COX7B2: variants seen among roughly 807,000 people sequenced by gnomAD.
COX7B2 encodes cytochrome c oxidase subunit 7B2.
For synonymous variants in COX7B2, 37 were observed against 32.1 expected (o/e 1.15, Z -0.51); for missense variants, 109 against 95.9 (o/e 1.14, Z -0.57).
chr4:46,827,115 A>G (rs1215609332), intron 2 of COX7B2, among the ~76,000 whole-genome samples: 1 of 152,158 alleles, frequency 6.6e-6, no homozygotes, highest in Non-Finnish European at 1.5e-5. Flanking sequence ...ATAATATCAA[A>G]TGATTCAACA....
intron 2 of COX7B2, among the ~76,000 whole-genome samples, chr4:46,789,118 C>T (rs1363191982): frequency 2.0e-5 from 3 of 152,128 alleles, no homozygotes; most frequent in African/African-American, 4.8e-5. Flanking sequence ...GAAAACTTTA[C>T]AGAACTCCAT....
At chr4:46,820,976 C>T (rs1714244402) in intron 2 of COX7B2, among the ~76,000 whole-genome samples, 1 of 151,870 alleles carries the variant, frequency 6.6e-6, no homozygotes, top group South Asian at 2.1e-4. Context: ...TTACTACAGT[C>T]GAAACCTGAG....
At chr4:46,819,740 C>A (rs1714144175) in intron 2 of COX7B2, among the ~76,000 whole-genome samples, 1 of 152,102 alleles carries the variant, frequency 6.6e-6, no homozygotes, top group African/African-American at 2.4e-5. Context: ...TACAATGTAT[C>A]AGCTGTTTTA....
At chr4:46,853,381 A>T (rs1716819840) in intron 1 of COX7B2, among the ~76,000 whole-genome samples, 1 of 152,180 alleles carries the variant, frequency 6.6e-6, no homozygotes, top group South Asian at 2.1e-4. Flanking sequence ...ACAGTCAGAA[A>T]TCTGACTCTC....
chr4:46,752,448 A>G (rs1253178570), intron 2 of COX7B2, among the ~76,000 whole-genome samples: 1 of 152,078 alleles, frequency 6.6e-6, no homozygotes, highest in Non-Finnish European at 1.5e-5. Context: ...AGAACTTCCA[A>G]CACTATGTTG....
intron 2 of COX7B2, among the ~76,000 whole-genome samples, chr4:46,815,037 T>G (rs1464714521): frequency 6.6e-6 from 1 of 151,984 alleles, no homozygotes; most frequent in East Asian, 1.9e-4. Context: ...GATACAAAAA[T>G]TAGCCAGGCG....
At chr4:46,817,060 C>T (rs1719593387) in intron 2 of COX7B2, among the ~76,000 whole-genome samples, 1 of 152,040 alleles carries the variant, frequency 6.6e-6, no homozygotes, top group South Asian at 2.1e-4. Flanking sequence ...TTTAAAAAGA[C>T]ATACAAGAAA....
At chr4:46,898,883 TA>T (rs1446993086) in intron 1 of COX7B2, among the ~76,000 whole-genome samples, 5 of 152,206 alleles carry the variant, frequency 3.3e-5, no homozygotes, top group Non-Finnish European at 5.9e-5. Flanking sequence ...AAAATTAGAT[TA>T]TCAAATTCAC....
At chr4:46,889,018 G>A (rs567452564) in intron 1 of COX7B2, among the ~76,000 whole-genome samples, 4 of 152,124 alleles carry the variant, frequency 2.6e-5, no homozygotes, top group Non-Finnish European at 5.9e-5. Flanking sequence ...TGCTTGAGGG[G>A]ATGGATACCC....
At chr4:46,775,469 T>C (rs566227132) in intron 2 of COX7B2, among the ~76,000 whole-genome samples, 10 of 152,304 alleles carry the variant, frequency 6.6e-5, no homozygotes, top group Admixed American at 2.0e-4. Context: ...GACACATTAC[T>C]GTGCACTACT....
chr4:46,845,562 G>T (rs536640814), intron 1 of COX7B2, among the ~76,000 whole-genome samples: 1 of 151,902 alleles, frequency 6.6e-6, no homozygotes, highest in Non-Finnish European at 1.5e-5. Context: ...TAGAGAAAAT[G>T]ATACATTTAT....
chr4:46,824,976 C>CA (rs534096218), intron 2 of COX7B2, among the ~76,000 whole-genome samples: 6 of 151,940 alleles, frequency 3.9e-5, no homozygotes, highest in African/African-American at 1.4e-4. Context: ...AGGCAAAAGA[C>CA]AAAGATGTGA....
intron 2 of COX7B2, among the ~76,000 whole-genome samples, chr4:46,809,896 T>C (rs1300962690): frequency 6.6e-6 from 1 of 151,976 alleles, no homozygotes; most frequent in African/African-American, 2.4e-5. Flanking sequence ...TTTATGTTCA[T>C]TAATAGTTTA....
intron 1 of COX7B2, among the ~76,000 whole-genome samples, chr4:46,873,832 C>T (rs1055442737): frequency 1.3e-5 from 2 of 152,160 alleles, no homozygotes; most frequent in African/African-American, 4.8e-5. Flanking sequence ...CCCCTCACCC[C>T]ATGACAGGAC....
At chr4:46,858,289 G>A (rs775190305) in intron 1 of COX7B2, among the ~76,000 whole-genome samples, 1 of 151,934 alleles carries the variant, frequency 6.6e-6, no homozygotes, top group African/African-American at 2.4e-5. Context: ...AGATGGGGGG[G>A]TTCGCCATAT....
chr4:46,763,798 T>C (rs1716364554), intron 2 of COX7B2, among the ~76,000 whole-genome samples: 1 of 152,202 alleles, frequency 6.6e-6, no homozygotes. Flanking sequence ...GATGTATATA[T>C]AAATATACAT....
At chr4:46,905,853 C>G (rs866704531) in intron 1 of COX7B2, among the ~76,000 whole-genome samples, 1 of 101,576 alleles carries the variant, frequency 9.8e-6, no homozygotes, top group Non-Finnish European at 1.8e-5. Context: ...GACGGAGTCT[C>G]GCTCTGTCGC....
intron 1 of COX7B2, among the ~76,000 whole-genome samples, chr4:46,887,011 C>T (rs1719121308): frequency 1.3e-5 from 2 of 152,008 alleles, no homozygotes; most frequent in African/African-American, 2.4e-5. Flanking sequence ...AATATAAAGG[C>T]CTTTTAAAAA....
intron 2 of COX7B2, among the ~76,000 whole-genome samples, chr4:46,807,539 T>C (rs755349325): frequency 1.2e-4 from 18 of 151,902 alleles, no homozygotes; most frequent in Non-Finnish European, 1.8e-4. Context: ...TTATTTTTGT[T>C]TTTTGTGGCC....
Sources: gnomAD v4.1 joint callset for allele counts (sites outside exome capture counted in the v4.1 genomes callset) on GRCh38, gnomAD v4.1.1 for gene constraint, MANE v1.5 for transcripts, NCBI Gene and HGNC (gene_info 2026-07-23, HGNC 2026-07-21) for gene names.